The following CDH13 variants were observed in gnomAD, a reference collection of about 807,000 sequenced individuals.
CDH13 encodes the protein cadherin-13.
In CDH13, 24 loss-of-function variants were observed where a neutral mutation model predicts 63.8. The ratio of observed to expected loss-of-function variants is 0.38; its 90% confidence interval spans 0.27 to 0.53. CDH13 has a LOEUF of 0.53. Ranked by LOEUF, CDH13 falls within the 20% of genes least tolerant of loss-of-function variation. The pLI is 0.85. For synonymous variants in CDH13, 503 were observed against 355.3 expected (o/e 1.42, Z -4.67); for missense variants, 1,049 against 903.1 (o/e 1.16, Z -2.07).
At chr16:83,722,600 G>T (rs538254034) in intron 10 of CDH13, among the ~76,000 whole-genome samples, 1 of 152,194 alleles carries the variant, frequency 6.6e-6, no homozygotes, top group Non-Finnish European at 1.5e-5. Flanking sequence ...AAGGAAAATA[G>T]CCAGAGGTAA....
chr16:83,073,350 T>TGAGAGAGA (rs1399593423), intron 3 of CDH13, among the ~76,000 whole-genome samples: 16 of 126,626 alleles, frequency 1.3e-4, no homozygotes, highest in African/African-American at 4.5e-4. Context: ...TGTGTGTGTG[T>TGAGAGAGA]GTGTGAGAGA....
chr16:82,838,501 G>A (rs1177328418), intron 1 of CDH13, among the ~76,000 whole-genome samples: 1 of 152,120 alleles, frequency 6.6e-6, no homozygotes, highest in Non-Finnish European at 1.5e-5. Context: ...GTTGAAAAAA[G>A]TTTTTAGAAA....
chr16:82,632,743 A>C (rs187962567), intron 1 of CDH13, among the ~76,000 whole-genome samples: 1 of 152,254 alleles, frequency 6.6e-6, no homozygotes, highest in Admixed American at 6.5e-5. Context: ...AGCACATTAC[A>C]TTTATTATGC....
chr16:82,921,803 G>A (rs1213361249), intron 2 of CDH13, among the ~76,000 whole-genome samples: 1 of 152,046 alleles, frequency 6.6e-6, no homozygotes, highest in Non-Finnish European at 1.5e-5. Flanking sequence ...TATTTTTTGG[G>A]AGAGTTTGTA....
chr16:83,079,053 C>G (rs149339030), intron 3 of CDH13, among the ~76,000 whole-genome samples: 1 of 152,168 alleles, frequency 6.6e-6, no homozygotes, highest in African/African-American at 2.4e-5. Context: ...CCTCAGCCTA[C>G]GAAAGTGCTG....
At chr16:83,012,033 G>T (rs187735764) in intron 2 of CDH13, among the ~76,000 whole-genome samples, 10 of 152,138 alleles carry the variant, frequency 6.6e-5, no homozygotes, top group Admixed American at 3.9e-4. Flanking sequence ...CCTTTCCCCA[G>T]CCCAGGACTA....
At chr16:83,784,374 A>G (rs1460760703) in intron 13 of CDH13, among the ~76,000 whole-genome samples, 1 of 152,142 alleles carries the variant, frequency 6.6e-6, no homozygotes, top group Non-Finnish European at 1.5e-5. Flanking sequence ...GCTCACACCT[A>G]TAATCCCACC....
chr16:83,293,629 C>T (rs1041361250), intron 5 of CDH13, among the ~76,000 whole-genome samples: 2 of 151,982 alleles, frequency 1.3e-5, no homozygotes, highest in African/African-American at 4.8e-5. Flanking sequence ...TATACATAAA[C>T]CAGAATGAAA....
chr16:83,513,748 G>T (rs1215974262), intron 7 of CDH13, among the ~76,000 whole-genome samples: 2 of 152,160 alleles, frequency 1.3e-5, no homozygotes, highest in East Asian at 3.9e-4. Context: ...AACACATGGG[G>T]ATTATGGGAA....
chr16:82,749,739 C>T (rs1203090834), intron 1 of CDH13, among the ~76,000 whole-genome samples: 1 of 152,124 alleles, frequency 6.6e-6, no homozygotes, highest in Non-Finnish European at 1.5e-5. Flanking sequence ...TATGCCTTGA[C>T]AGTCATTTTT....
intron 1 of CDH13, among the ~76,000 whole-genome samples, chr16:82,698,890 C>A (rs1008916473): frequency 1.3e-5 from 2 of 151,468 alleles, no homozygotes; most frequent in Non-Finnish European, 2.9e-5. Flanking sequence ...GTTCTATATT[C>A]TTTTTTTACT....
intron 5 of CDH13, among the ~76,000 whole-genome samples, chr16:83,226,882 C>T (rs1156795393): frequency 2.6e-5 from 4 of 152,134 alleles, no homozygotes; most frequent in Admixed American, 2.6e-4. Context: ...CTCCCGCCAC[C>T]CATTAGCCAT....
At chr16:83,648,817 T>G (rs1567480260) in intron 8 of CDH13, among the ~76,000 whole-genome samples, 1 of 152,152 alleles carries the variant, frequency 6.6e-6, no homozygotes, top group Non-Finnish European at 1.5e-5. Flanking sequence ...ATCCCCCTTT[T>G]TCTCTTTCCC....
chr16:83,148,059 T>A (rs2036825651), intron 4 of CDH13, among the ~76,000 whole-genome samples: 1 of 152,172 alleles, frequency 6.6e-6, no homozygotes, highest in Admixed American at 6.5e-5. Context: ...TGCCTCAGCC[T>A]CCTGAGTAGC....
intron 7 of CDH13, among the ~76,000 whole-genome samples, chr16:83,587,738 C>G (rs975139413): frequency 6.6e-6 from 1 of 152,156 alleles, no homozygotes. Context: ...AACGTATTAT[C>G]TTTTATTACC....
intron 4 of CDH13, among the ~76,000 whole-genome samples, chr16:83,184,755 A>G (rs1348307765): frequency 6.6e-6 from 1 of 152,090 alleles, no homozygotes; most frequent in Non-Finnish European, 1.5e-5. Context: ...ACTCCATCTC[A>G]AAAAAGCAAA....
chr16:83,254,472 C>T (rs1436133145), intron 5 of CDH13, among the ~76,000 whole-genome samples: 2 of 152,166 alleles, frequency 1.3e-5, no homozygotes, highest in Admixed American at 6.5e-5. Context: ...CTCCTTTTTA[C>T]CTCAGCCAAC....
chr16:82,861,323 CT>C (rs767873048), intron 2 of CDH13, among the ~76,000 whole-genome samples: 1 of 152,142 alleles, frequency 6.6e-6, no homozygotes, highest in Non-Finnish European at 1.5e-5. Context: ...TCATTGTGAA[CT>C]TTTGTGTTGC....
chr16:83,362,688 T>G (rs1268491983), intron 6 of CDH13, among the ~76,000 whole-genome samples: 1 of 152,218 alleles, frequency 6.6e-6, no homozygotes, highest in Non-Finnish European at 1.5e-5. Flanking sequence ...AAATACCATC[T>G]TCCTTCAAGG....
Sources: gnomAD v4.1 joint callset for allele counts (sites outside exome capture counted in the v4.1 genomes callset) on GRCh38, gnomAD v4.1.1 for gene constraint, MANE v1.5 for transcripts, NCBI Gene and HGNC (gene_info 2026-07-23, HGNC 2026-07-21) for gene names.